CTNNA3: variants seen among roughly 807,000 people sequenced by gnomAD.
CTNNA3 encodes the protein catenin alpha 3, also known as catenin alpha-3.
Under a neutral mutation model 95.7 loss-of-function variants are expected in CTNNA3, and 76 were observed. The ratio of observed to expected loss-of-function variants is 0.79; its 90% CI spans 0.66 to 0.96. CTNNA3 has a LOEUF of 0.96. CTNNA3 is among the 40% of genes least tolerant of loss of function. CTNNA3 has a pLI of 0.00. For missense variants in CTNNA3, 1,191 were observed against 1,089.8 expected, an observed-to-expected ratio of 1.09 and a Z score of -1.31; for synonymous variants, 431 against 374.4, an observed-to-expected ratio of 1.15 and a Z score of -1.74.
chr10:66,397,519 A>G (rs1256888283), intron 11 of CTNNA3, among the ~76,000 whole-genome samples: 1 of 151,800 alleles, frequency 6.6e-6, no homozygotes, highest in Non-Finnish European at 1.5e-5. Context: ...ATATTCATTC[A>G]TTCAATATCT....
At chr10:67,128,881 A>G (rs374022027) in intron 7 of CTNNA3, among the ~76,000 whole-genome samples, 3 of 152,332 alleles carry the variant, frequency 2.0e-5, no homozygotes, top group East Asian at 3.9e-4. Flanking sequence ...GAATAACTAC[A>G]TCTAGTAAGA....
At chr10:67,248,431 T>G (rs1485899631) in intron 5 of CTNNA3, among the ~76,000 whole-genome samples, 2 of 152,162 alleles carry the variant, frequency 1.3e-5, no homozygotes, top group Non-Finnish European at 2.9e-5. Context: ...GTTTGTTTGT[T>G]TTGAGACAGG....
chr10:67,756,571 G>GA (rs1327121243), intron 1 of CTNNA3, among the ~76,000 whole-genome samples: 110 of 152,056 alleles, frequency 7.2e-4, no homozygotes, highest in Non-Finnish European at 4.4e-5. Flanking sequence ...AATGTGCTAA[G>GA]AAAAAAATGG....
intron 7 of CTNNA3, among the ~76,000 whole-genome samples, chr10:66,924,127 C>T (rs1453006977): frequency 6.6e-6 from 1 of 152,144 alleles, no homozygotes; most frequent in Non-Finnish European, 1.5e-5. Flanking sequence ...GAATGAGAAT[C>T]CTGGGGGAGG....
chr10:67,316,136 T>C (rs1419650316), intron 5 of CTNNA3, among the ~76,000 whole-genome samples: 3 of 152,170 alleles, frequency 2.0e-5, no homozygotes, highest in African/African-American at 7.2e-5. Context: ...TCAATCTCTC[T>C]TTCTTATGTT....
chr10:67,020,944 G>C (rs1015076153), intron 7 of CTNNA3, among the ~76,000 whole-genome samples: 1 of 152,172 alleles, frequency 6.6e-6, no homozygotes, highest in Non-Finnish European at 1.5e-5. Flanking sequence ...CCGGAAGATA[G>C]TGTGAGAAAA....
At chr10:66,287,982 T>A (rs544548415) in intron 12 of CTNNA3, among the ~76,000 whole-genome samples, 1 of 152,226 alleles carries the variant, frequency 6.6e-6, no homozygotes, top group African/African-American at 2.4e-5. Flanking sequence ...GTTCTCACTA[T>A]GTAAACAGGG....
chr10:67,263,200 T>C (rs1314189850), intron 5 of CTNNA3, among the ~76,000 whole-genome samples: 1 of 152,154 alleles, frequency 6.6e-6, no homozygotes, highest in Non-Finnish European at 1.5e-5. Context: ...TGAGTTCTTG[T>C]TTCAGCCATC....
chr10:66,059,597 G>T (rs2080154900), intron 15 of CTNNA3, among the ~76,000 whole-genome samples: 1 of 151,738 alleles, frequency 6.6e-6, no homozygotes, highest in Admixed American at 6.6e-5. Context: ...CCATCTCCTT[G>T]TTCTCCTCAA....
chr10:67,054,227 C>T (rs1384872946), intron 7 of CTNNA3, among the ~76,000 whole-genome samples: 2 of 152,034 alleles, frequency 1.3e-5, no homozygotes, highest in African/African-American at 4.8e-5. Context: ...AAAGGCTGTA[C>T]CCCAATAATA....
At chr10:66,926,182 AGATGTGGCAGCT>A in intron 7 of CTNNA3, 1 of 459,552 alleles carries the variant, frequency 2.2e-6, no homozygotes, top group Non-Finnish European at 4.3e-6. Context: ...TATGGAATAC[AGATGTGGCAGCT>A]CAGGTAGCCC....
chr10:66,966,354 C>G (rs1357157383), intron 7 of CTNNA3, among the ~76,000 whole-genome samples: 1 of 151,856 alleles, frequency 6.6e-6, no homozygotes, highest in Non-Finnish European at 1.5e-5. Context: ...CTAACTAATC[C>G]TAAAAGACTT....
chr10:66,362,445 G>A (rs146165583), intron 12 of CTNNA3, among the ~76,000 whole-genome samples: 5,254 of 151,480 alleles, frequency 0.035, 126 homozygotes, highest in Non-Finnish European at 0.054. Flanking sequence ...GTGCAGTGGC[G>A]CATGCCTGTA....
At chr10:67,336,285 C>T (rs775487154) in intron 5 of CTNNA3, among the ~76,000 whole-genome samples, 4 of 152,120 alleles carry the variant, frequency 2.6e-5, no homozygotes, top group African/African-American at 4.8e-5. Context: ...TGTAGCAGGT[C>T]TGTCACTTTC....
chr10:66,661,290 G>A lies in CTNNA3; in HGVS notation c.1282-39506C>T, dbSNP rs188199313. Among the ~76,000 whole-genome samples the A allele has an allele frequency of 3.4e-3, 525 of 152,190 alleles. 2 individuals are homozygous for A. The highest frequency in any genetic ancestry group is 0.014 in the Middle Eastern group (4 of 294). On this transcript the variant is annotated intron_variant, in intron 9 of 17. Coordinates refer to ENST00000433211, the MANE Select transcript of CTNNA3 (RefSeq NM_013266.4). ...GGCTGGGAGGCCTCAGAATCATGGC[G>A]GGAGGCAAAAGGCACTTCTTAAATG...
rs7910440 is a variant in CTNNA3, at chr10:66,632,371, C to T, written c.1282-10587G>A. Among the ~76,000 whole-genome samples, 713 of 151,622 alleles carry T rather than the reference C, an allele frequency of 4.7e-3. 5 individuals carry two copies. The highest frequency in any genetic ancestry group is 0.017 in the African/African-American group (687 of 41,368). ...GAGTTTGAGACCAGCCTGGCCAACA[C>T]GGTGCAACCCCATCTCTACTAAAAA... On this transcript the variant is annotated intron_variant, in intron 9 of 17. Transcript: ENST00000433211.
intron 5 of CTNNA3, among the ~76,000 whole-genome samples, chr10:67,271,482 C>T (rs915908077): frequency 6.6e-6 from 1 of 152,178 alleles, no homozygotes; most frequent in Non-Finnish European, 1.5e-5. Flanking sequence ...CAATGTGGAA[C>T]TGTGAGTCAA....
At chr10:66,529,802 T>G (rs183310007) in intron 10 of CTNNA3, among the ~76,000 whole-genome samples, 4 of 152,198 alleles carry the variant, frequency 2.6e-5, no homozygotes, top group Admixed American at 2.6e-4. Context: ...TTGCCCAAAA[T>G]TATAGAAGAA....
intron 5 of CTNNA3, among the ~76,000 whole-genome samples, chr10:67,495,697 A>C (rs964912698): frequency 6.6e-5 from 10 of 152,238 alleles, no homozygotes; most frequent in Admixed American, 5.2e-4. Context: ...ATTGTCTCTC[A>C]TTCCAAAATA....
Sources: gnomAD v4.1 joint callset for allele counts (sites outside exome capture counted in the v4.1 genomes callset) on GRCh38, gnomAD v4.1.1 for gene constraint, MANE v1.5 for transcripts, NCBI Gene and HGNC (gene_info 2026-07-23, HGNC 2026-07-21) for gene names.